FBXL7: variants seen among roughly 807,000 people sequenced by gnomAD.
FBXL7 encodes F-box and leucine rich repeat protein 7.
Under a neutral mutation model 38.3 loss-of-function variants are expected in FBXL7, and 12 were observed. The observed-to-expected ratio is 0.31, with a 90% CI of 0.20 to 0.51. The LOEUF is 0.51. Ranked by LOEUF, FBXL7 falls within the 20% of genes least tolerant of loss-of-function variation. The pLI, the probability that FBXL7 is intolerant of heterozygous loss-of-function variation, is 0.98. For missense variants in FBXL7, 567 were observed against 676.4 expected (o/e 0.84, Z 1.79); for synonymous variants, 297 against 300.9 (o/e 0.99, Z 0.13).
intron 3 of FBXL7, among the ~76,000 whole-genome samples, chr5:15,935,473 C>G (rs1742156903): frequency 8.5e-6 from 1 of 117,750 alleles, no homozygotes; most frequent in Non-Finnish European, 1.7e-5. Flanking sequence ...ACTGTAGGAG[C>G]TAAGGGCAGG....
intron 2 of FBXL7, among the ~76,000 whole-genome samples, chr5:15,741,214 T>C (rs561392647): frequency 6.6e-6 from 1 of 152,362 alleles, no homozygotes; most frequent in South Asian, 2.1e-4. Flanking sequence ...TTTATGACAT[T>C]GTACTTACGA....
intron 1 of FBXL7, among the ~76,000 whole-genome samples, chr5:15,594,876 T>C (rs1739581197): frequency 6.6e-6 from 1 of 152,240 alleles, no homozygotes; most frequent in East Asian, 1.9e-4. Context: ...TCCATTCCCA[T>C]TGCTAAGTTT....
chr5:15,610,188 A>G (rs757076457), intron 1 of FBXL7, among the ~76,000 whole-genome samples: 4 of 152,150 alleles, frequency 2.6e-5, no homozygotes, highest in South Asian at 4.1e-4. Flanking sequence ...GGGAGCTACA[A>G]TTCAAGATGA....
At chr5:15,504,545 G>A (rs1359582550) in intron 1 of FBXL7, among the ~76,000 whole-genome samples, 1 of 152,164 alleles carries the variant, frequency 6.6e-6, no homozygotes, top group Non-Finnish European at 1.5e-5. Flanking sequence ...AGTCCTTAGT[G>A]AATATTCAGG....
In FBXL7 at chr5:15,770,305, G is replaced by T. The variant is rs975774277; in HGVS notation, c.127+154233G>T. Among the ~76,000 whole-genome samples the T allele has an allele frequency of 3.9e-5, 6 of 152,260 alleles. No individual in the cohort carries two copies. The Middle Eastern group carries it at 0.01, about 259-fold the overall frequency. ...GGTCTCTGATTTTCCACTCGCCCTT[G>T]CAGCTGGGGAGGGCCATGTCAGCCA... is the stretch of plus-strand genomic sequence containing the variant. On this transcript the variant is annotated intron_variant, in intron 2 of 3. Coordinates refer to ENST00000504595, the MANE Select transcript of FBXL7 (RefSeq NM_012304.5).
chr5:15,556,981 A>G (rs1738256370), intron 1 of FBXL7, among the ~76,000 whole-genome samples: 1 of 152,202 alleles, frequency 6.6e-6, no homozygotes, highest in African/African-American at 2.4e-5. Context: ...TCTGTCTCCC[A>G]GGCTGGAGTG....
intron 3 of FBXL7, chr5:15,935,130 G>A (rs1019520121): frequency 5.6e-6 from 3 of 533,852 alleles, no homozygotes; most frequent in Non-Finnish European, 1.2e-5. Context: ...ATGACAAGCA[G>A]GCCAGTGGCG....
rs555869616 is a variant in FBXL7, at chr5:15,599,403, G to A, written c.38-16580G>A. On this transcript the variant is annotated intron_variant, in intron 1 of 3. Transcript: ENST00000504595. ...TGCATATATATATTTATGTGTGTGT[G>A]TACATGTTACAAACAGAAAATTTCA... 6.6e-5 allele frequency among the ~76,000 whole-genome samples: 10 copies of A among 152,236 alleles called. No individual in the cohort carries two copies. In the East Asian group the frequency reaches 1.7e-3, roughly 26 times the overall value.
chr5:15,509,828 G>A (rs1438302171), intron 1 of FBXL7, among the ~76,000 whole-genome samples: 1 of 152,216 alleles, frequency 6.6e-6, no homozygotes, highest in African/African-American at 2.4e-5. Flanking sequence ...TGGCCTGCCT[G>A]GGTGCTTCCC....
intron 1 of FBXL7, among the ~76,000 whole-genome samples, chr5:15,572,111 T>A (rs1171468557): frequency 6.6e-6 from 1 of 152,182 alleles, no homozygotes; most frequent in African/African-American, 2.4e-5. Flanking sequence ...TTTTTGACTT[T>A]GGGTATCAGA....
At chr5:15,576,069 A>ATTTTTTTTTTTTTTTTTTTTTT (rs1738955024) in intron 1 of FBXL7, among the ~76,000 whole-genome samples, 2 of 107,210 alleles carry the variant, frequency 1.9e-5, no homozygotes, top group African/African-American at 7.7e-5. Flanking sequence ...AGAGAATCTC[A>ATTTTTTTTTTTTTTTTTTTTTT]TTCTTTTTTT....
At chr5:15,638,237 G>A (rs6872217) in intron 2 of FBXL7, among the ~76,000 whole-genome samples, 24,142 of 152,192 alleles carry the variant, frequency 0.16, 2,027 homozygotes, top group Non-Finnish European at 0.18. Context: ...TCACAGAGGA[G>A]CTGATGTCTG....
chr5:15,825,169 A>G (rs257758), intron 2 of FBXL7, among the ~76,000 whole-genome samples: 72,133 of 152,020 alleles, frequency 0.47, 20,550 homozygotes, highest in Non-Finnish European at 0.63. Context: ...GGATGCCTTA[A>G]AAGTCCAATT....
chr5:15,927,117 AT>A (rs2126456411), intron 2 of FBXL7, among the ~76,000 whole-genome samples: 1 of 151,960 alleles, frequency 6.6e-6, no homozygotes, highest in East Asian at 1.9e-4. Flanking sequence ...ACCTGATGGG[AT>A]TTGTTCCCTG....
chr5:15,819,696 T>C (rs1167828008), intron 2 of FBXL7, among the ~76,000 whole-genome samples: 1 of 152,176 alleles, frequency 6.6e-6, no homozygotes, highest in African/African-American at 2.4e-5. Context: ...GCGTTTGATA[T>C]CAACCAGTTT....
intron 2 of FBXL7, among the ~76,000 whole-genome samples, chr5:15,751,621 C>T (rs1736157483): frequency 6.6e-6 from 1 of 152,126 alleles, no homozygotes; most frequent in Non-Finnish European, 1.5e-5. Flanking sequence ...CATTCTTTTC[C>T]TGTCATTTTG....
intron 2 of FBXL7, among the ~76,000 whole-genome samples, chr5:15,842,585 G>A (rs967803151): frequency 2.0e-5 from 3 of 152,096 alleles, no homozygotes; most frequent in African/African-American, 4.8e-5. Flanking sequence ...ATATGGTTTG[G>A]ATGTGTCCCC....
chr5:15,758,076 G>A (rs1054006193), intron 2 of FBXL7, among the ~76,000 whole-genome samples: 1 of 152,038 alleles, frequency 6.6e-6, no homozygotes, highest in African/African-American at 2.4e-5. Context: ...AGAGTTGGCA[G>A]GCAGAAAACA....
chr5:15,618,365 A>T (rs886880423), intron 2 of FBXL7, among the ~76,000 whole-genome samples: 1 of 152,246 alleles, frequency 6.6e-6, no homozygotes, highest in Non-Finnish European at 1.5e-5. Flanking sequence ...AAAAAATTAA[A>T]AAAGAAAGTA....
Sources: allele counts gnomAD v4.1 joint callset (sites outside exome capture counted in the v4.1 genomes callset), GRCh38; gene constraint gnomAD v4.1.1; transcripts MANE v1.5; gene names NCBI Gene and HGNC (gene_info 2026-07-23, HGNC 2026-07-21).